EYA1: variants seen among roughly 807,000 people sequenced by gnomAD.
EYA1 encodes the protein protein phosphatase EYA1.
A neutral mutation model predicts 82.0 loss-of-function variants in EYA1; 16 were observed. The ratio of observed to expected loss-of-function variants is 0.20; its 90% CI spans 0.13 to 0.30. EYA1 has a LOEUF of 0.30. Ranked by LOEUF, EYA1 falls within the 10% of genes least tolerant of loss-of-function variation. The probability of loss-of-function intolerance (pLI) is 1.00; values close to 1 mark genes in which losing one functional copy is unlikely to be tolerated. For synonymous variants in EYA1, 261 were observed against 264.4 expected (o/e 0.99, Z 0.12); for missense variants, 633 against 730.7 (o/e 0.87, Z 1.54).
At chr8:71,475,612 G>C (rs1265171528) in intron 2 of EYA1, among the ~76,000 whole-genome samples, 1 of 152,060 alleles carries the variant, frequency 6.6e-6, no homozygotes, top group Admixed American at 6.6e-5. Flanking sequence ...ACTCAAAATA[G>C]GCAAAACAGA....
intron 2 of EYA1, among the ~76,000 whole-genome samples, chr8:71,441,098 G>A (rs1425369354): frequency 6.6e-6 from 1 of 152,080 alleles, no homozygotes; most frequent in Non-Finnish European, 1.5e-5. Context: ...CAATCCCAAG[G>A]TTTAGGGATT....
chr8:71,277,583 T>C (rs1391127225), intron 9 of EYA1, among the ~76,000 whole-genome samples: 1 of 152,214 alleles, frequency 6.6e-6, no homozygotes, highest in Non-Finnish European at 1.5e-5. Flanking sequence ...TGTACTCTTA[T>C]CTCTATTATA....
intron 7 of EYA1, among the ~76,000 whole-genome samples, chr8:71,306,598 T>C (rs955974219): frequency 6.6e-6 from 1 of 152,212 alleles, no homozygotes; most frequent in African/African-American, 2.4e-5. Context: ...CAGCTCACCA[T>C]GGTACTTTAG....
chr8:71,340,048 CT>C (rs1324704940), intron 3 of EYA1, among the ~76,000 whole-genome samples: 2 of 152,174 alleles, frequency 1.3e-5, no homozygotes, highest in Non-Finnish European at 2.9e-5. Context: ...TGCCTCTTCT[CT>C]TATGAAAGTT....
chr8:71,217,995 G>C (rs992553333), intron 12 of EYA1, among the ~76,000 whole-genome samples: 1 of 152,130 alleles, frequency 6.6e-6, no homozygotes, highest in African/African-American at 2.4e-5. Flanking sequence ...TATTAATTTG[G>C]AGGCAGACAA....
At chr8:71,291,846 T>G (rs1819031776) in intron 9 of EYA1, among the ~76,000 whole-genome samples, 1 of 152,160 alleles carries the variant, frequency 6.6e-6, no homozygotes, top group African/African-American at 2.4e-5. Context: ...TAAGATTACA[T>G]GTGGTAATGA....
At chr8:71,503,951 G>T (rs1196695056) in intron 2 of EYA1, among the ~76,000 whole-genome samples, 1 of 152,138 alleles carries the variant, frequency 6.6e-6, no homozygotes, top group Non-Finnish European at 1.5e-5. Context: ...TGGAATGGTG[G>T]GGGGTGGTCC....
At chr8:71,337,116 T>C (rs1390742280) in intron 3 of EYA1, among the ~76,000 whole-genome samples, 1 of 152,210 alleles carries the variant, frequency 6.6e-6, no homozygotes, top group Non-Finnish European at 1.5e-5. Flanking sequence ...ACGCTTTGAA[T>C]TTAAAAACAT....
intron 2 of EYA1, among the ~76,000 whole-genome samples, chr8:71,394,597 G>A (rs1829474982): frequency 6.6e-6 from 1 of 152,074 alleles, no homozygotes; most frequent in South Asian, 2.1e-4. Flanking sequence ...AGATAAGATG[G>A]TTGTAGATCT....
intron 9 of EYA1, among the ~76,000 whole-genome samples, chr8:71,295,708 C>T (rs911665973): frequency 6.6e-6 from 1 of 152,198 alleles, no homozygotes; most frequent in Admixed American, 6.5e-5. Context: ...AGCAATCACA[C>T]TCCTAGGTAT....
chr8:71,430,360 A>C (rs1432433665), intron 2 of EYA1, among the ~76,000 whole-genome samples: 1 of 152,206 alleles, frequency 6.6e-6, no homozygotes, highest in Non-Finnish European at 1.5e-5. Context: ...AGAGTCACAC[A>C]CAGACAGTCA....
At chr8:71,259,021 G>T (rs1019194981) in intron 11 of EYA1, among the ~76,000 whole-genome samples, 1 of 152,204 alleles carries the variant, frequency 6.6e-6, no homozygotes, top group Non-Finnish European at 1.5e-5. Context: ...GGATTGCAAT[G>T]TGGAATTTAT....
intron 2 of EYA1, among the ~76,000 whole-genome samples, chr8:71,483,355 A>G (rs374611689): frequency 3.9e-4 from 57 of 145,136 alleles, no homozygotes; most frequent in African/African-American, 1.5e-3. Flanking sequence ...CAAAGCCCTC[A>G]CTTTAGTATG....
At chr8:71,382,433 A>G (rs1267505415) in intron 2 of EYA1, among the ~76,000 whole-genome samples, 1 of 152,152 alleles carries the variant, frequency 6.6e-6, no homozygotes, top group Non-Finnish European at 1.5e-5. Flanking sequence ...CAATGTCTAA[A>G]GGAATACAAA....
chr8:71,456,739 T>C (rs1179760027), intron 2 of EYA1, among the ~76,000 whole-genome samples: 3 of 152,224 alleles, frequency 2.0e-5, no homozygotes, highest in Non-Finnish European at 2.9e-5. Context: ...CCCTTCCTTA[T>C]GTCTTATACA....
chr8:71,333,937 A>T (rs1363093622), intron 4 of EYA1, among the ~76,000 whole-genome samples, 160 bp downstream of exon 4: 1 of 152,160 alleles, frequency 6.6e-6, no homozygotes, highest in African/African-American at 2.4e-5. Context: ...GTAATATGTG[A>T]CTCTGAGCAA....
intron 1 of EYA1, among the ~76,000 whole-genome samples, chr8:71,540,263 GT>G (rs1672785367): frequency 6.6e-6 from 1 of 152,260 alleles, no homozygotes; most frequent in South Asian, 2.1e-4. Flanking sequence ...TGAGCTTAAA[GT>G]TTTCCCAGGT....
At position 71,423,064 on chromosome 8, in the gene EYA1, T is replaced by C. The variant is rs114608827; in HGVS notation, c.34-66553A>G. The stretch of plus-strand genomic sequence containing the variant: ...AAATCAGAACCTAAATCCTGTTTTT[T>C]TTTCCTTAAAGTATGTGGCTTTTTC... On this transcript the variant is annotated intron_variant, in intron 2 of 18. Transcript: ENST00000643681. 5.2e-3 allele frequency among the ~76,000 whole-genome samples: 793 copies of C among 152,286 alleles called. 7 individuals carry two copies. Among genetic ancestry groups the C allele is most frequent in the African/African-American group, 0.018 (765 of 41,550 alleles).
intron 16 of EYA1, among the ~76,000 whole-genome samples, chr8:71,214,304 T>C (rs1304875717): frequency 1.3e-5 from 2 of 152,170 alleles, no homozygotes; most frequent in Admixed American, 6.5e-5. Flanking sequence ...CACTGCATAC[T>C]AGCTACCCAG....
Sources: gnomAD v4.1 joint callset for allele counts (sites outside exome capture counted in the v4.1 genomes callset) on GRCh38, gnomAD v4.1.1 for gene constraint, MANE v1.5 for transcripts, NCBI Gene and HGNC (gene_info 2026-07-23, HGNC 2026-07-21) for gene names.